Variants in CNTNAP4 observed in about 807,000 individuals in gnomAD.
CNTNAP4 encodes contactin associated protein family member 4.
Under a neutral mutation model 148.4 loss-of-function variants are expected in CNTNAP4, and 98 were observed. The observed-to-expected ratio is 0.66, with a 90% confidence interval of 0.56 to 0.78. CNTNAP4 has a LOEUF of 0.78. Among genes scored for constraint, CNTNAP4 ranks in the 30% least tolerant of loss-of-function variants. The pLI is 0.00. For synonymous variants in CNTNAP4, 730 were observed against 565.1 expected (o/e 1.29, Z -4.14); for missense variants, 1,935 against 1,565.6 (o/e 1.24, Z -3.98).
At chr16:76,284,641 T>A (rs1958811256) in intron 1 of CNTNAP4, among the ~76,000 whole-genome samples, 2 of 151,926 alleles carry the variant, frequency 1.3e-5, no homozygotes, top group African/African-American at 4.8e-5. Flanking sequence ...TGTCATTGAC[T>A]GTTGAATTGT....
intron 3 of CNTNAP4, among the ~76,000 whole-genome samples, chr16:76,367,342 C>G (rs1411296324): frequency 1.3e-5 from 2 of 151,814 alleles, no homozygotes; most frequent in African/African-American, 4.8e-5. Context: ...TGTAAAGATA[C>G]ACATGTAATA....
At chr16:76,300,382 C>T (rs945126602) in intron 1 of CNTNAP4, among the ~76,000 whole-genome samples, 1 of 151,918 alleles carries the variant, frequency 6.6e-6, no homozygotes, top group African/African-American at 2.4e-5. Flanking sequence ...AGGGGAACAT[C>T]ACACACCAGG....
intron 4 of CNTNAP4, among the ~76,000 whole-genome samples, chr16:76,444,631 A>G (rs1056899331): frequency 3.3e-5 from 5 of 152,090 alleles, no homozygotes; most frequent in Non-Finnish European, 7.4e-5. Context: ...GAATTTTGTA[A>G]TTGTTTAAGA....
intron 13 of CNTNAP4, 79 bp downstream of exon 13, chr16:76,489,962 C>G: frequency 4.1e-6 from 4 of 971,624 alleles, no homozygotes; most frequent in South Asian, 2.7e-5. Context: ...AATTTTAAGT[C>G]TGCAAAGTGG....
intron 1 of CNTNAP4, among the ~76,000 whole-genome samples, chr16:76,308,480 C>T (rs922594116): frequency 6.6e-6 from 1 of 152,150 alleles, no homozygotes; most frequent in Non-Finnish European, 1.5e-5. Flanking sequence ...CTCCACACAC[C>T]GTCAGGCACC....
At chr16:76,440,162 G>T (rs1264594655) in intron 4 of CNTNAP4, among the ~76,000 whole-genome samples, 1 of 152,040 alleles carries the variant, frequency 6.6e-6, no homozygotes, top group African/African-American at 2.4e-5. Flanking sequence ...TGATGAAATA[G>T]CTATATATTT....
chr16:76,428,511 T>A (rs930376611), intron 4 of CNTNAP4, among the ~76,000 whole-genome samples: 10 of 152,088 alleles, frequency 6.6e-5, no homozygotes, highest in African/African-American at 2.4e-4. Flanking sequence ...CCAAGTTAAG[T>A]TCTGATTCAC....
chr16:76,343,512 A>C (rs575572937), intron 2 of CNTNAP4, among the ~76,000 whole-genome samples: 11 of 152,300 alleles, frequency 7.2e-5, no homozygotes, highest in Admixed American at 2.0e-4. Context: ...TTTCTAATAT[A>C]GAATAACTAG....
chr16:76,427,151 A>T (rs1319414586), intron 3 of CNTNAP4, among the ~76,000 whole-genome samples: 1 of 152,180 alleles, frequency 6.6e-6, no homozygotes, highest in African/African-American at 2.4e-5. Context: ...CAGACATGGC[A>T]CATTTTTACG....
intron 2 of CNTNAP4, among the ~76,000 whole-genome samples, chr16:76,338,777 T>C (rs544646691): frequency 1.3e-5 from 2 of 152,294 alleles, no homozygotes; most frequent in African/African-American, 4.8e-5. Context: ...ATAAGTGACT[T>C]TACAACCTTT....
intron 4 of CNTNAP4, among the ~76,000 whole-genome samples, chr16:76,433,858 A>T (rs1262450471): frequency 6.6e-6 from 1 of 152,128 alleles, no homozygotes; most frequent in African/African-American, 2.4e-5. Flanking sequence ...ATAGTAGCTG[A>T]GAAATACTGT....
rs566798496 is a variant in CNTNAP4, at chr16:76,515,435, C to T, written c.2366-5705C>T. 4.6e-5 allele frequency among the ~76,000 whole-genome samples: 7 copies of T among 152,226 alleles called. No homozygotes were observed. In the East Asian group the frequency reaches 1.2e-3, roughly 25 times the overall value. ...TTATAAGAAAGAGACACCAGAGACC[C>T]CACTCTCTGTGCTGACTCAGAGGAA... On this transcript the variant is annotated intron_variant, in intron 15 of 23. Coordinates refer to ENST00000611870, the MANE Select transcript of CNTNAP4 (RefSeq NM_033401.5).
At chr16:76,506,886 TG>T (rs1044345053) in intron 15 of CNTNAP4, among the ~76,000 whole-genome samples, 2 of 96,614 alleles carry the variant, frequency 2.1e-5, no homozygotes, top group Admixed American at 1.0e-4. Flanking sequence ...GCACATTCTT[TG>T]CTACCATTCT....
rs369357645 is a variant in CNTNAP4 at position 76,345,166 on chromosome 16, C to A, written c.197-10152C>A. On this transcript the variant is annotated intron_variant, in intron 2 of 23. Transcript: ENST00000611870. ...AGTTCCTGAAGCTGGCTGTGACTTT[C>A]TTTTGGCTAATGGATGCAGCAGTTG... Among the ~76,000 whole-genome samples the A allele has an allele frequency of 2.6e-4, 40 of 152,268 alleles. 1 individual carries two copies. In the South Asian group the frequency reaches 8.1e-3, roughly 31 times the overall value.
At chr16:76,481,909 G>T (rs2081845412) in intron 12 of CNTNAP4, among the ~76,000 whole-genome samples, 1 of 152,106 alleles carries the variant, frequency 6.6e-6, no homozygotes, top group Non-Finnish European at 1.5e-5. Context: ...AGGCAAGTTG[G>T]GTGGGGAGGG....
chr16:76,352,173 A>G (rs528745464), intron 2 of CNTNAP4, among the ~76,000 whole-genome samples: 3 of 152,326 alleles, frequency 2.0e-5, no homozygotes, highest in Non-Finnish European at 4.4e-5. Flanking sequence ...ACAGAGAGAT[A>G]TGCAGTTGTA....
chr16:76,536,578 A>G (rs568390515), intron 18 of CNTNAP4, among the ~76,000 whole-genome samples: 1 of 152,332 alleles, frequency 6.6e-6, no homozygotes, highest in East Asian at 1.9e-4. Context: ...TTTTTCAGAC[A>G]TAGTTTTTCC....
chr16:76,491,351 A>C (rs2082213953), intron 13 of CNTNAP4, among the ~76,000 whole-genome samples: 1 of 152,214 alleles, frequency 6.6e-6, no homozygotes, highest in Non-Finnish European at 1.5e-5. Flanking sequence ...CATCTAGAAC[A>C]TAGATAGATG....
intron 2 of CNTNAP4, among the ~76,000 whole-genome samples, chr16:76,323,514 C>G (rs1962646448): frequency 6.6e-6 from 1 of 152,008 alleles, no homozygotes; most frequent in South Asian, 2.1e-4. Context: ...TCTAAATATG[C>G]TGATATCTTC....
Sources: gnomAD v4.1 joint callset for allele counts (sites outside exome capture counted in the v4.1 genomes callset) on GRCh38, gnomAD v4.1.1 for gene constraint, MANE v1.5 for transcripts, NCBI Gene and HGNC (gene_info 2026-07-23, HGNC 2026-07-21) for gene names.